Variants in BICD1 observed in about 807,000 individuals in gnomAD.
BICD1 encodes protein bicaudal D homolog 1.
In BICD1, 35 loss-of-function variants were observed where a neutral mutation model predicts 92.5. The ratio of observed to expected loss-of-function variants is 0.38; its 90% CI spans 0.29 to 0.50. The LOEUF (loss-of-function observed/expected upper bound fraction) is 0.50. BICD1 is among the 20% of genes least tolerant of loss of function. The pLI is 0.93. For synonymous variants in BICD1, 429 were observed against 465.1 expected (o/e 0.92, Z 1.00); for missense variants, 950 against 1,189.8 (o/e 0.80, Z 2.97).
chr12:32,114,236 G>A (rs1941808539), intron 1 of BICD1, among the ~76,000 whole-genome samples: 1 of 152,100 alleles, frequency 6.6e-6, no homozygotes, highest in African/African-American at 2.4e-5. Context: ...TGAAATTCCT[G>A]AGCTCGAGCG....
In BICD1 at chr12:32,148,142, C is replaced by CAAAAAA. The variant is rs10525262; in HGVS notation, c.213+40603_213+40608dup. 3.1e-4 allele frequency among the ~76,000 whole-genome samples: 19 copies of CAAAAAA among 60,590 alleles called. 2 individuals are homozygous for CAAAAAA. The highest frequency in any genetic ancestry group is 7.5e-4 in the South Asian group (1 of 1,328). The allele number at this position is 60,590 out of a possible 152,430, so 39.7% of individuals were successfully genotyped here. On this transcript the variant is annotated intron_variant, in intron 1 of 9. Transcript: ENST00000652176. ...GGGTGACAGAGCGAGACTCCGTCTCCAAAAAAAAAAGAATCTGAGAAGCAG... is the reference window on the plus strand; with the variant it reads ...GGGTGACAGAGCGAGACTCCGTCTCCAAAAAAAAAAAAAAAAGAATCTGAGAAGCAG...
intron 1 of BICD1, among the ~76,000 whole-genome samples, chr12:32,134,392 C>T (rs11051810): frequency 0.22 from 33,004 of 152,094 alleles, 4,235 homozygotes; most frequent in Middle Eastern, 0.42. Flanking sequence ...GTGATGATAA[C>T]GTTGGTTTCT....
intron 2 of BICD1, among the ~76,000 whole-genome samples, chr12:32,259,266 CTA>C (rs1279504060): frequency 3.3e-5 from 5 of 152,064 alleles, no homozygotes; most frequent in Admixed American, 3.3e-4. Context: ...TGTATTATAA[CTA>C]TTCTAACTGT....
chr12:32,252,871 G>A (rs1592560436), intron 2 of BICD1, among the ~76,000 whole-genome samples: 2 of 151,920 alleles, frequency 1.3e-5, no homozygotes, highest in South Asian at 2.1e-4. Context: ...GTTTTCTTTC[G>A]TTTTTTGTTT....
chr12:32,169,371 G>A (rs1195377962), intron 1 of BICD1, among the ~76,000 whole-genome samples: 2 of 152,210 alleles, frequency 1.3e-5, no homozygotes, highest in Non-Finnish European at 2.9e-5. Context: ...TTCTCCTTCT[G>A]AGGCCTTCTG....
At chr12:32,173,009 T>G (rs569015598) in intron 1 of BICD1, among the ~76,000 whole-genome samples, 3 of 152,128 alleles carry the variant, frequency 2.0e-5, no homozygotes, top group Admixed American at 6.5e-5. Flanking sequence ...CCCAGCTGAC[T>G]GCCCCGGAGT....
At chr12:32,182,274 C>CTTTTT (rs1944292915) in intron 1 of BICD1, among the ~76,000 whole-genome samples, 1 of 84,996 alleles carries the variant, frequency 1.2e-5, no homozygotes, top group Non-Finnish European at 2.6e-5. Context: ...TTCTTTCTTT[C>CTTTTT]TTTCTTTTTT....
intron 1 of BICD1, among the ~76,000 whole-genome samples, chr12:32,147,072 C>T (rs1943136475): frequency 6.6e-6 from 1 of 151,994 alleles, no homozygotes; most frequent in South Asian, 2.1e-4. Context: ...TCCCGAGGAG[C>T]TAAGACCATA....
intron 2 of BICD1, among the ~76,000 whole-genome samples, chr12:32,228,410 A>T (rs1006969623): frequency 2.0e-5 from 3 of 152,176 alleles, no homozygotes; most frequent in African/African-American, 7.2e-5. Context: ...TCACCAATAC[A>T]CACTGTCATG....
intron 8 of BICD1, among the ~76,000 whole-genome samples, chr12:32,348,775 T>TGCAGGC (rs1938746497): frequency 7.7e-6 from 1 of 129,266 alleles, no homozygotes. Context: ...TATATATATA[T>TGCAGGC]ATATCAGCAG....
intron 4 of BICD1, among the ~76,000 whole-genome samples, chr12:32,322,909 T>G (rs1006869283): frequency 6.6e-6 from 1 of 152,208 alleles, no homozygotes; most frequent in African/African-American, 2.4e-5. Context: ...AAGGGCGTTT[T>G]GGAAACAGCC....
At chr12:32,293,610 G>T (rs2261943) in intron 2 of BICD1, among the ~76,000 whole-genome samples, 1 of 151,650 alleles carries the variant, frequency 6.6e-6, no homozygotes, top group Non-Finnish European at 1.5e-5. Flanking sequence ...GATTACAGGT[G>T]TGAGCCACAG....
At chr12:32,157,257 G>A (rs1316522588) in intron 1 of BICD1, among the ~76,000 whole-genome samples, 2 of 152,134 alleles carry the variant, frequency 1.3e-5, no homozygotes, top group Non-Finnish European at 2.9e-5. Context: ...CTACTTTTGT[G>A]TGTCAATTTG....
intron 1 of BICD1, among the ~76,000 whole-genome samples, chr12:32,177,752 A>AAATATATT (rs1944152795): frequency 2.0e-4 from 28 of 138,040 alleles, no homozygotes; most frequent in Non-Finnish European, 2.7e-4. Flanking sequence ...TAAAATATAT[A>AAATATATT]TAAATATTTT....
chr12:32,331,364 C>T (rs961990920), intron 5 of BICD1, among the ~76,000 whole-genome samples: 1 of 152,026 alleles, frequency 6.6e-6, no homozygotes, highest in Non-Finnish European at 1.5e-5. Flanking sequence ...GTAAACAGTA[C>T]CACAGGAAAT....
At chr12:32,342,007 A>C (rs970342010) in intron 8 of BICD1, among the ~76,000 whole-genome samples, 174 of 151,788 alleles carry the variant, frequency 1.1e-3, no homozygotes, top group African/African-American at 4.1e-3. Context: ...TTTTAAATTC[A>C]GGAGTTTAAC....
rs74582627 is a variant in BICD1 at position 32,363,028 on chromosome 12, C to G, written c.2765-4642C>G. Among the ~76,000 whole-genome samples, 88 of 152,234 alleles carry G rather than the reference C, an allele frequency of 5.8e-4. 3 individuals carry two copies. In the East Asian group the frequency reaches 0.017, roughly 29 times the overall value. On this transcript the variant is annotated intron_variant, in intron 8 of 9. Coordinates refer to ENST00000652176, the MANE Select transcript of BICD1 (RefSeq NM_001714.4). ...GTTCAAGACCAGGCTTTAAGAGACC[C>G]TGTCTCTTAAAACAGATAACAAATG...
intron 4 of BICD1, among the ~76,000 whole-genome samples, chr12:32,310,487 C>G (rs1203133151): frequency 6.6e-6 from 1 of 152,160 alleles, no homozygotes. Context: ...CTCAATCAGA[C>G]TTCTGGATGC....
At chr12:32,347,276 G>A (rs1938668753) in intron 8 of BICD1, among the ~76,000 whole-genome samples, 1 of 148,478 alleles carries the variant, frequency 6.7e-6, no homozygotes, top group African/African-American at 2.5e-5. Flanking sequence ...AACTGACATA[G>A]ACCAAAGTGC....
Sources: allele counts gnomAD v4.1 joint callset (sites outside exome capture counted in the v4.1 genomes callset), GRCh38; gene constraint gnomAD v4.1.1; transcripts MANE v1.5; gene names NCBI Gene and HGNC (gene_info 2026-07-23, HGNC 2026-07-21).